The following ZCCHC2 variants were observed in gnomAD, a reference collection of about 807,000 sequenced individuals.
ZCCHC2 encodes zinc finger CCHC-type containing 2.
Under a neutral mutation model 103.6 loss-of-function variants are expected in ZCCHC2, and 39 were observed. The ratio of observed to expected loss-of-function variants is 0.38; its 90% CI spans 0.29 to 0.49. The LOEUF (loss-of-function observed/expected upper bound fraction) is 0.49. ZCCHC2 is among the 20% of genes least tolerant of loss of function. The probability of loss-of-function intolerance (pLI) is 0.96; values close to 1 mark genes in which losing one functional copy is unlikely to be tolerated. For synonymous variants in ZCCHC2, 687 were observed against 608.9 expected (o/e 1.13, Z -1.89); for missense variants, 1,483 against 1,491.0 (o/e 0.99, Z 0.09).
chr18:62,547,152 C>A (rs1240766831), intron 4 of ZCCHC2, among the ~76,000 whole-genome samples: 5 of 151,906 alleles, frequency 3.3e-5, no homozygotes, highest in Admixed American at 6.6e-5. Flanking sequence ...TGGTGAAACC[C>A]CATGTCTACT....
chr18:62,578,957 G>A (rs753335542), downstream of ZCCHC2, among the ~76,000 whole-genome samples: 2 of 152,076 alleles, frequency 1.3e-5, no homozygotes, highest in Non-Finnish European at 1.5e-5. Flanking sequence ...TAGTAGAAAC[G>A]GGGTTTCACC....
chr18:62,537,575 C>T (rs1238344249), intron 1 of ZCCHC2, among the ~76,000 whole-genome samples: 2 of 152,216 alleles, frequency 1.3e-5, no homozygotes, highest in African/African-American at 4.8e-5. Context: ...CTAGCATACT[C>T]TCTTTGGGAT....
intron 4 of ZCCHC2, 116 bp from the exon 5 acceptor site, chr18:62,550,232 C>CT: frequency 1.3e-6 from 1 of 772,142 alleles, no homozygotes; most frequent in Non-Finnish European, 2.1e-6. Context: ...AAACAAACTG[C>CT]TTTTGGGAAA....
intron 7 of ZCCHC2, among the ~76,000 whole-genome samples, chr18:62,559,709 T>C (rs1916036739): frequency 6.6e-6 from 1 of 152,240 alleles, no homozygotes; most frequent in Non-Finnish European, 1.5e-5. Context: ...ACCAGGAAAT[T>C]GCCTGAACAT....
At chr18:62,540,156 T>C (rs1227115696) in intron 2 of ZCCHC2, among the ~76,000 whole-genome samples, 1 of 152,214 alleles carries the variant, frequency 6.6e-6, no homozygotes, top group Non-Finnish European at 1.5e-5. Flanking sequence ...TTTATACAAG[T>C]TCTCTGGAAG....
chr18:62,523,287 CG>C lies in ZCCHC2; in HGVS notation c.-137del. 2.4e-6 allele frequency: 2 copies of C among 838,448 alleles called. No individual in the cohort carries two copies. Among genetic ancestry groups the C allele is most frequent in the Non-Finnish European group, 2.9e-6 (2 of 696,334 alleles). The allele number at this position is 838,448 out of a possible 1,614,324, so 51.9% of individuals were successfully genotyped here. On this transcript the variant is annotated 5_prime_UTR_variant, in exon 1 of 14. Transcript: ENST00000269499. ...ACCGCCCCCCTCGCCGGCCGAGACC[CG>C]CCCCCGGCCCCGGCCCTCCCCCGGC...
At chr18:62,537,904 G>C (rs1191091829) in intron 1 of ZCCHC2, among the ~76,000 whole-genome samples, 3 of 152,130 alleles carry the variant, frequency 2.0e-5, no homozygotes, top group Non-Finnish European at 4.4e-5. Flanking sequence ...CAATGTGTAA[G>C]GGTTCCATTT....
At chr18:62,551,385 G>A (rs910546081) in intron 5 of ZCCHC2, 1 of 152,278 alleles carries the variant, frequency 6.6e-6, no homozygotes, top group Non-Finnish European at 1.5e-5. Context: ...TCAGGTCCAA[G>A]TGTCAGGAAA....
rs573774396 is a variant in ZCCHC2, at chr18:62,577,039, T to C, written c.*460T>C. On this transcript the variant is annotated 3_prime_UTR_variant, in exon 14 of 14. Transcript: ENST00000269499. The stretch of plus-strand genomic sequence containing the variant: ...TTCCTCCCCAGCCAGCCTCACTCTG[T>C]CTCCGGCCCGCAGCAGGAGCAGCCA... 1 of 159,256 alleles carries C rather than the reference T, an allele frequency of 6.3e-6. No homozygotes were observed. Among genetic ancestry groups the C allele is most frequent in the African/African-American group, 2.4e-5 (1 of 41,566 alleles). 9.9% of individuals were successfully genotyped at this position (159,256 alleles called of 1,614,324 possible).
At chr18:62,542,247 T>G (rs181375570) in intron 2 of ZCCHC2, among the ~76,000 whole-genome samples, 1 of 152,340 alleles carries the variant, frequency 6.6e-6, no homozygotes, top group East Asian at 1.9e-4. Flanking sequence ...ATAGAGTGTT[T>G]GAATTTACTT....
chr18:62,548,660 C>T (rs541830166), intron 4 of ZCCHC2, among the ~76,000 whole-genome samples: 5 of 152,288 alleles, frequency 3.3e-5, no homozygotes, highest in African/African-American at 9.6e-5. Context: ...CAGTGGCTCA[C>T]GCCTGTAATC....
chr18:62,539,251 C>A (rs1391963893), intron 1 of ZCCHC2, among the ~76,000 whole-genome samples: 1 of 152,122 alleles, frequency 6.6e-6, no homozygotes, highest in Non-Finnish European at 1.5e-5. Flanking sequence ...ATTGATGATA[C>A]CTTTCATAAG....
intron 1 of ZCCHC2, among the ~76,000 whole-genome samples, chr18:62,538,840 AT>A (rs1350121541): frequency 6.6e-6 from 1 of 152,228 alleles, no homozygotes; most frequent in Non-Finnish European, 1.5e-5. Flanking sequence ...ACAGAAAAAA[AT>A]ATTAATGTAT....
chr18:62,570,597 TTCTTTGTCTCTAGTAACAA>T (rs1466859451), intron 12 of ZCCHC2, among the ~76,000 whole-genome samples: 1 of 152,238 alleles, frequency 6.6e-6, no homozygotes, highest in Non-Finnish European at 1.5e-5. Flanking sequence ...TGGGATATCC[TTCTTTGTCTCTAGTAACAA>T]TTTTTGTCTT....
intron 1 of ZCCHC2, among the ~76,000 whole-genome samples, chr18:62,531,675 G>A (rs536307875): frequency 4.0e-4 from 61 of 152,086 alleles, no homozygotes; most frequent in Non-Finnish European, 7.4e-4. Context: ...GGTGAGGTGC[G>A]GTGGCTCACG....
chr18:62,532,311 C>G (rs1226375221), intron 1 of ZCCHC2, among the ~76,000 whole-genome samples: 1 of 152,236 alleles, frequency 6.6e-6, no homozygotes, highest in African/African-American at 2.4e-5. Flanking sequence ...ATCGTCTTCT[C>G]CCATCACATC....
chr18:62,568,060 A>T (rs1239604540), intron 11 of ZCCHC2, among the ~76,000 whole-genome samples: 2 of 151,674 alleles, frequency 1.3e-5, no homozygotes, highest in Admixed American at 6.6e-5. Context: ...GAGATGCTTG[A>T]TCTCTCAGTT....
chr18:62,562,140 G>A (rs1219517603), intron 8 of ZCCHC2, among the ~76,000 whole-genome samples: 1 of 151,992 alleles, frequency 6.6e-6, no homozygotes, highest in Non-Finnish European at 1.5e-5. Flanking sequence ...GGAACTACAG[G>A]CACCCGCCAC....
intron 11 of ZCCHC2, among the ~76,000 whole-genome samples, chr18:62,569,669 T>TC (rs1185139448): frequency 6.6e-6 from 1 of 152,128 alleles, no homozygotes; most frequent in Non-Finnish European, 1.5e-5. Context: ...GACTATTCAG[T>TC]CTACTAGATG....
Sources: allele counts gnomAD v4.1 joint callset (sites outside exome capture counted in the v4.1 genomes callset), GRCh38; gene constraint gnomAD v4.1.1; transcripts MANE v1.5; gene names NCBI Gene and HGNC (gene_info 2026-07-23, HGNC 2026-07-21).